Variants in GPC6 observed in about 807,000 individuals in gnomAD.
The protein encoded by GPC6 is glypican-6.
In GPC6, 14 loss-of-function variants were observed where a neutral mutation model predicts 55.2. The observed-to-expected ratio is 0.25, with a 90% confidence interval of 0.17 to 0.40. GPC6 has a LOEUF of 0.40. Among genes scored for constraint, GPC6 ranks in the 10% least tolerant of loss-of-function variants. GPC6 has a pLI of 1.00. For missense variants in GPC6, 641 were observed against 708.5 expected (o/e 0.90, Z 1.08); for synonymous variants, 278 against 259.6 (o/e 1.07, Z -0.68).
chr13:93,351,362 C>A (rs867415365), intron 1 of GPC6, among the ~76,000 whole-genome samples: 25 of 151,902 alleles, frequency 1.6e-4, no homozygotes, highest in African/African-American at 5.8e-4. Flanking sequence ...TGCTACCCTG[C>A]AAAGTGGATG....
chr13:93,601,655 T>G (rs1750054721), intron 2 of GPC6, among the ~76,000 whole-genome samples: 1 of 152,226 alleles, frequency 6.6e-6, no homozygotes, highest in African/African-American at 2.4e-5. Context: ...ATTTAGAGAT[T>G]TATTAAACTG....
chr13:93,276,588 C>T (rs989076351), intron 1 of GPC6, among the ~76,000 whole-genome samples: 4 of 151,662 alleles, frequency 2.6e-5, no homozygotes, highest in Non-Finnish European at 5.9e-5. Context: ...CATGCAGTCC[C>T]GGCCACATGT....
At chr13:93,699,305 A>G (rs1566493154) in intron 2 of GPC6, among the ~76,000 whole-genome samples, 1 of 152,270 alleles carries the variant, frequency 6.6e-6, no homozygotes, top group East Asian at 1.9e-4. Flanking sequence ...GGGGAATTAA[A>G]AGATAAAAAG....
chr13:94,229,680 T>C (rs191321749), intron 4 of GPC6, among the ~76,000 whole-genome samples: 1 of 152,304 alleles, frequency 6.6e-6, no homozygotes, highest in East Asian at 1.9e-4. Context: ...GATAGCCTCA[T>C]TGACTTACAA....
intron 3 of GPC6, among the ~76,000 whole-genome samples, chr13:93,914,610 C>G (rs1016695023): frequency 2.0e-5 from 3 of 152,110 alleles, no homozygotes; most frequent in Non-Finnish European, 2.9e-5. Flanking sequence ...AAGCACTGAC[C>G]TCTGTGTTAT....
At chr13:93,496,368 C>T (rs1481479352) in intron 1 of GPC6, among the ~76,000 whole-genome samples, 1 of 152,208 alleles carries the variant, frequency 6.6e-6, no homozygotes, top group African/African-American at 2.4e-5. Flanking sequence ...GGCAATGCCT[C>T]GCCCTGCTTC....
chr13:93,687,933 A>G (rs564483573), intron 2 of GPC6, among the ~76,000 whole-genome samples: 2 of 151,828 alleles, frequency 1.3e-5, no homozygotes, highest in South Asian at 2.1e-4. Flanking sequence ...TCTCTCTTAT[A>G]CAAAAGAAGT....
At chr13:93,628,546 C>T in intron 2 of GPC6, among the ~76,000 whole-genome samples, 1 of 152,116 alleles carries the variant, frequency 6.6e-6, no homozygotes, top group East Asian at 1.9e-4. Context: ...CTTCCCAGTT[C>T]ACTGAGATTG....
At chr13:93,433,755 C>T (rs1877460481) in intron 1 of GPC6, among the ~76,000 whole-genome samples, 1 of 152,052 alleles carries the variant, frequency 6.6e-6, no homozygotes, top group Non-Finnish European at 1.5e-5. Context: ...GTGGGTTTTC[C>T]AGGGGTTGGT....
chr13:93,851,218 G>A (rs1216321638), intron 3 of GPC6, among the ~76,000 whole-genome samples: 1 of 151,936 alleles, frequency 6.6e-6, no homozygotes, highest in Non-Finnish European at 1.5e-5. Flanking sequence ...AACCTGTTTT[G>A]CTGGCAGAGC....
intron 3 of GPC6, among the ~76,000 whole-genome samples, chr13:93,880,166 A>G (rs1384535419): frequency 1.3e-5 from 2 of 151,466 alleles, no homozygotes; most frequent in Non-Finnish European, 3.0e-5. Context: ...GCGATTCCTC[A>G]GGGATCTAGA....
intron 1 of GPC6, among the ~76,000 whole-genome samples, chr13:93,337,979 T>G (rs1221129879): frequency 1.3e-5 from 2 of 152,216 alleles, no homozygotes; most frequent in Non-Finnish European, 2.9e-5. Context: ...GTTGCTACCC[T>G]TAATAACTGT....
At chr13:93,385,241 C>T (rs1875347573) in intron 1 of GPC6, among the ~76,000 whole-genome samples, 1 of 152,132 alleles carries the variant, frequency 6.6e-6, no homozygotes, top group Non-Finnish European at 1.5e-5. Flanking sequence ...GGTAGCAGGA[C>T]AGTGAGGCTG....
At chr13:93,861,465 AC>A (rs1347459017) in intron 3 of GPC6, among the ~76,000 whole-genome samples, 1 of 151,556 alleles carries the variant, frequency 6.6e-6, no homozygotes, top group Non-Finnish European at 1.5e-5. Context: ...AATATTATAA[AC>A]CCTGATTTTA....
At chr13:93,379,824 A>C (rs1287076241) in intron 1 of GPC6, among the ~76,000 whole-genome samples, 2 of 152,118 alleles carry the variant, frequency 1.3e-5, no homozygotes, top group African/African-American at 4.8e-5. Context: ...ATAAACTGTA[A>C]AAAATTGGTA....
At chr13:93,488,410 A>T (rs2139351592) in intron 1 of GPC6, among the ~76,000 whole-genome samples, 1 of 152,342 alleles carries the variant, frequency 6.6e-6, no homozygotes. Flanking sequence ...TGCTATTGTG[A>T]ATAGTGCTGC....
chr13:94,159,267 A>G (rs1888071484), intron 4 of GPC6, among the ~76,000 whole-genome samples: 2 of 152,142 alleles, frequency 1.3e-5, no homozygotes, highest in Admixed American at 1.3e-4. Context: ...TAGTGGGAGC[A>G]TAGAGATGCA....
chr13:94,137,768 A>T (rs940041346), intron 4 of GPC6, among the ~76,000 whole-genome samples: 1 of 152,144 alleles, frequency 6.6e-6, no homozygotes, highest in African/African-American at 2.4e-5. Context: ...AGGCAAAATG[A>T]CCTATTATTC....
intron 2 of GPC6, among the ~76,000 whole-genome samples, chr13:93,690,659 G>T (rs1302598237): frequency 1.3e-5 from 2 of 151,894 alleles, no homozygotes; most frequent in African/African-American, 4.8e-5. Context: ...AGAAAGCTAT[G>T]GCAAAGGAGC....
Sources: gnomAD v4.1 joint callset for allele counts (sites outside exome capture counted in the v4.1 genomes callset) on GRCh38, gnomAD v4.1.1 for gene constraint, MANE v1.5 for transcripts, NCBI Gene and HGNC (gene_info 2026-07-23, HGNC 2026-07-21) for gene names.